NONO: variants seen among roughly 807,000 people sequenced by gnomAD.
NONO encodes non-POU domain-containing octamer-binding protein.
A neutral mutation model predicts 40.2 loss-of-function variants in NONO; 6 were observed. The observed-to-expected ratio is 0.15, with a 90% CI of 0.08 to 0.29. The LOEUF is 0.29. Ranked by LOEUF, NONO falls within the 10% of genes least tolerant of loss-of-function variation. The pLI, the probability that NONO is intolerant of heterozygous loss-of-function variation, is 1.00. For synonymous variants in NONO, 89 were observed against 123.3 expected, an observed-to-expected ratio of 0.72 and a Z score of 1.85; for missense variants, 133 against 397.8, an observed-to-expected ratio of 0.33 and a Z score of 5.66.
At chrX:71,291,624 A>G (rs2031329297) in intron 3 of NONO, among the ~76,000 whole-genome samples, 155 bp from the exon 4 acceptor site, 1 of 111,991 alleles carries the variant, frequency 8.9e-6, no homozygotes, top group South Asian at 3.6e-4. Flanking sequence ...CTAAGGCACA[A>G]TTTACTCATA....
Position 71,300,485 on chromosome X carries a change from C to T in NONO, c.*409C>T, listed in dbSNP as rs749580677. The T allele has an allele frequency of 2.8e-5, 6 of 214,404 alleles. No homozygotes were observed. The highest frequency in any genetic ancestry group is 5.0e-5 in the Non-Finnish European group (6 of 121,062). The allele number at this position is 214,404 out of a possible 1,213,427, so 17.7% of individuals were successfully genotyped here. ...AGGCTGGAGTGTAGTGGCATGATCT[C>T]GGCTCACTGCAATCTCTGCCTCCCG... On this transcript the variant is annotated 3_prime_UTR_variant, in exon 12 of 12. Transcript: ENST00000276079.
At chrX:71,291,659 G>T in intron 3 of NONO, 120 bp from the exon 4 acceptor site, 1 of 545,656 alleles carries the variant, frequency 1.8e-6, no homozygotes. Flanking sequence ...CTTGGGAAAT[G>T]GTGTTTACAT....
At chrX:71,291,502 T>C (rs2031326277) in intron 3 of NONO, among the ~76,000 whole-genome samples, 1 of 111,364 alleles carries the variant, frequency 9.0e-6, no homozygotes, top group South Asian at 3.7e-4. Context: ...AATTGCTTAA[T>C]TTTTCTCTTT....
intron 9 of NONO, 169 bp downstream of exon 9, chrX:71,298,107 A>G: frequency 2.2e-6 from 1 of 446,624 alleles, no homozygotes; most frequent in Non-Finnish European, 4.0e-6. Flanking sequence ...ATCTTGCCTC[A>G]CAAGCAATAT....
In NONO at chrX:71,285,315, A is replaced by G. The variant is rs913533588; in HGVS notation, c.-10+862A>G. 4.5e-5 allele frequency among the ~76,000 whole-genome samples: 5 copies of G among 111,449 alleles called. No individual in the cohort carries two copies. The Admixed American group carries it at 4.8e-4, about 11-fold the overall frequency. On this transcript the variant is annotated intron_variant, in intron 2 of 11. Coordinates refer to ENST00000276079, the MANE Select transcript of NONO (RefSeq NM_007363.5). Reference sequence around the variant, plus strand: ...GTATGTTTTAACTTCCTGCTTTTATATCTTATTTTTTAAAACACTATTTTC... The same window carrying G: ...GTATGTTTTAACTTCCTGCTTTTATGTCTTATTTTTTAAAACACTATTTTC...
At chrX:71,284,351 A>G (rs1186913354) in intron 1 of NONO, 46 bp from the exon 2 acceptor site, 1 of 111,907 alleles carries the variant, frequency 8.9e-6, no homozygotes, top group Non-Finnish European at 1.9e-5. Flanking sequence ...TTCCAGTTTG[A>G]GAAACTCTTA....
chrX:71,301,034 C>G lies in NONO; in HGVS notation c.*958C>G, dbSNP rs2031581205. On this transcript the variant is annotated 3_prime_UTR_variant, in exon 12 of 12. Transcript: ENST00000276079. ...GACAGTAGCTCTTAGACTCGCCTAT[C>G]TTAGGTAGTCATGCTGTGCATTTTT... 6.6e-6 allele frequency: 1 copy of G among 151,352 alleles called. No homozygotes were observed. Among genetic ancestry groups the G allele is most frequent in the African/African-American group, 3.1e-5 (1 of 32,233 alleles). The allele number at this position is 151,352 out of a possible 1,213,427, so 12.5% of individuals were successfully genotyped here. A position where few individuals can be genotyped will look rare whatever the true frequency, so the allele number is the denominator to read the frequency against.
At chrX:71,298,387 T>C (rs1038432891) in intron 9 of NONO, 82 bp from the exon 10 acceptor site, 2 of 826,743 alleles carry the variant, frequency 2.4e-6, no homozygotes, top group African/African-American at 4.0e-5. Context: ...CTCTATCTAC[T>C]TCCCTTAGTG....
At chrX:71,299,201 A>G (rs2031520943) in intron 11 of NONO, among the ~76,000 whole-genome samples, 1 of 112,086 alleles carries the variant, frequency 8.9e-6, no homozygotes, top group Non-Finnish European at 1.9e-5. Flanking sequence ...TTTTTATTAG[A>G]GACTGAGTTT....
intron 2 of NONO, among the ~76,000 whole-genome samples, chrX:71,289,420 T>C (rs1216060328): frequency 9.1e-6 from 1 of 109,718 alleles, no homozygotes; most frequent in Non-Finnish European, 1.9e-5. Flanking sequence ...GCCTCCCGAA[T>C]AGCCAGGACT....
intron 4 of NONO, among the ~76,000 whole-genome samples, chrX:71,293,845 TGATCTC>T (rs1455089312): frequency 9.0e-6 from 1 of 111,125 alleles, no homozygotes; most frequent in East Asian, 2.9e-4. Context: ...TTGGCCAGGA[TGATCTC>T]GATCTCCTGA....
At chrX:71,298,881 T>G (rs759798197) in intron 11 of NONO, 65 bp downstream of exon 11, 2 of 882,949 alleles carry the variant, frequency 2.3e-6, no homozygotes, top group East Asian at 6.5e-5. Flanking sequence ...AGGCATTGCT[T>G]TCACAGCCCC....
intron 10 of NONO, 44 bp downstream of exon 10, chrX:71,298,552 T>C: frequency 8.8e-7 from 1 of 1,142,210 alleles, no homozygotes. Context: ...CTTTTTTGTT[T>C]GGTCTTGGGT....
intron 7 of NONO, 72 bp downstream of exon 7, chrX:71,297,119 A>G: frequency 4.2e-6 from 4 of 941,694 alleles, no homozygotes; most frequent in Middle Eastern, 2.8e-4. Flanking sequence ...CTTTGTATCA[A>G]TTAACAGAAG....
chrX:71,290,219 G>A (rs1210286062), intron 2 of NONO, among the ~76,000 whole-genome samples: 1 of 109,331 alleles, frequency 9.1e-6, no homozygotes, highest in African/African-American at 3.3e-5. Flanking sequence ...GCTAATTTTT[G>A]TATTTTTTTG....
chrX:71,300,073 C>G lies in NONO; in HGVS notation c.1413C>G (p.Tyr471Ter), dbSNP rs1289661286. 1.7e-6 allele frequency: 2 copies of G among 1,210,619 alleles called. No homozygotes were observed. The highest frequency in any genetic ancestry group is 2.2e-6 in the Non-Finnish European group (2 of 895,064). Residue 471 changes from tyrosine (Y) to a stop codon, truncating the protein, a stop_gained, in exon 12 of 12, where the codon TAC becomes TAG. Coordinates refer to ENST00000276079, the MANE Select transcript of NONO (RefSeq NM_007363.5). LOFTEE classifies it high-confidence loss of function. ...AEFAPNKRRR[Y>*] is the part of the protein sequence containing the mutation. Reference sequence around the variant, plus strand: ...TTGCCCCAAACAAACGTCGCCGATACTAATAAGTTGCAGTGTCTAGTTTCT... The same window carrying G: ...TTGCCCCAAACAAACGTCGCCGATAGTAATAAGTTGCAGTGTCTAGTTTCT...
rs1462203764 is a variant in NONO at position 71,296,953 on chromosome X, C to G, written c.849C>G (p.Asp283Glu). 2.5e-6 allele frequency: 3 copies of G among 1,210,041 alleles called. No individual in the cohort carries two copies. The highest frequency in any genetic ancestry group is 3.4e-6 in the Non-Finnish European group (3 of 894,581). ...TTGAGATGGAGAAGCAGCAGCAGGA[C>G]CAAGTGGACCGCAACATCAAGGAGG... ...ALIEMEKQQQDQVDRNIKEAR... is the reference protein window; with the variant it reads ...ALIEMEKQQQEQVDRNIKEAR... Residue 283 changes from aspartate to glutamate, a missense_variant, in exon 7 of 12, where the codon GAC (aspartate) becomes GAG (glutamate). Coordinates refer to ENST00000276079, the MANE Select transcript of NONO (RefSeq NM_007363.5).
At chrX:71,294,597 C>T in intron 5 of NONO, 69 bp downstream of exon 5, 3 of 999,825 alleles carry the variant, frequency 3.0e-6, no homozygotes, top group Non-Finnish European at 4.1e-6. Context: ...GAGAGTTAGC[C>T]TCTAGTAACC....
At position 71,296,869 on chromosome X, in the gene NONO, C is replaced by T. The variant is rs758818790; in HGVS notation, c.765C>T (p.Pro255=). Residue 255 remains proline (P), a synonymous_variant, in exon 7 of 12, where the codon CCC becomes CCT. Coordinates refer to ENST00000276079, the MANE Select transcript of NONO (RefSeq NM_007363.5). ...CCTATAGGGAACGAGAGCAGCCACC[C>T]AGATTTGCACAGCCTGGCTCCTTTG... The part of the protein sequence containing the change: ...QQFHKEREQP[P]RFAQPGSFEY... The T allele has an allele frequency of 4.1e-6, 5 of 1,206,451 alleles. No individual in the cohort carries two copies. In the African/African-American group the frequency reaches 8.8e-5, roughly 21 times the overall value.
Sources: allele counts gnomAD v4.1 joint callset (sites outside exome capture counted in the v4.1 genomes callset), GRCh38; gene constraint gnomAD v4.1.1; transcripts MANE v1.5; gene names NCBI Gene and HGNC (gene_info 2026-07-23, HGNC 2026-07-21).